Variants in RBMS3 observed in about 807,000 individuals in gnomAD.
The protein encoded by RBMS3 is RNA-binding motif, single-stranded-interacting protein 3.
Under a neutral mutation model 66.8 loss-of-function variants are expected in RBMS3, and 27 were observed. That is an observed-to-expected ratio of 0.40 (90% CI 0.30 to 0.56). RBMS3 has a LOEUF of 0.56. Ranked by LOEUF, RBMS3 falls within the 20% of genes least tolerant of loss-of-function variation. RBMS3 has a pLI of 0.40. For missense variants in RBMS3, 513 were observed against 549.5 expected, an observed-to-expected ratio of 0.93 and a Z score of 0.66; for synonymous variants, 188 against 183.0, an observed-to-expected ratio of 1.03 and a Z score of -0.22.
chr3:29,549,729 T>C (rs1195688307), intron 3 of RBMS3, among the ~76,000 whole-genome samples: 1 of 152,058 alleles, frequency 6.6e-6, no homozygotes, highest in Admixed American at 6.6e-5. Context: ...AAAAAATATT[T>C]TAAGCTAGCA....
intron 3 of RBMS3, among the ~76,000 whole-genome samples, chr3:29,564,286 G>A (rs2046662414): frequency 6.6e-6 from 1 of 151,954 alleles, no homozygotes; most frequent in African/African-American, 2.4e-5. Context: ...AGACCAGCCT[G>A]ACCAACATAG....
At chr3:29,617,223 A>T (rs1353296335) in intron 4 of RBMS3, among the ~76,000 whole-genome samples, 1 of 152,234 alleles carries the variant, frequency 6.6e-6, no homozygotes, top group Non-Finnish European at 1.5e-5. Flanking sequence ...TCAGGTTTTA[A>T]TACCAGCTCC....
At chr3:29,901,233 C>T (rs541502694) in intron 10 of RBMS3, among the ~76,000 whole-genome samples, 14 of 151,868 alleles carry the variant, frequency 9.2e-5, no homozygotes, top group Admixed American at 5.3e-4. Flanking sequence ...CAAAGCAATA[C>T]ATAGCATAGC....
chr3:29,852,286 T>C lies in RBMS3; in HGVS notation c.638-16572T>C, dbSNP rs1023589730. Among the ~76,000 whole-genome samples, 9 of 152,292 alleles carry C rather than the reference T, an allele frequency of 5.9e-5. No homozygotes were observed. The South Asian group carries it at 6.2e-4, about 11-fold the overall frequency. On this transcript the variant is annotated intron_variant, in intron 6 of 14. Transcript: ENST00000383767. ...TCATGATGAAGATGCTAAAAGCAAT[T>C]GCAACAAAAGCAAAAGTTGACAAAT...
chr3:29,767,796 T>C (rs79767352), intron 6 of RBMS3, among the ~76,000 whole-genome samples: 2,051 of 152,108 alleles, frequency 0.013, 50 homozygotes, highest in Admixed American at 0.038. Context: ...ATTTATCTTA[T>C]GTGATTCAAA....
intron 12 of RBMS3, among the ~76,000 whole-genome samples, chr3:29,955,237 G>T (rs549983013): frequency 3.3e-5 from 5 of 151,918 alleles, no homozygotes; most frequent in Non-Finnish European, 5.9e-5. Flanking sequence ...AAGTGAAGGG[G>T]TATGTGTCTT....
At position 29,389,880 on chromosome 3, in the gene RBMS3, T is replaced by C. The variant is rs989121279; in HGVS notation, c.76-44863T>C. Among the ~76,000 whole-genome samples, 4 of 152,088 alleles carry C rather than the reference T, an allele frequency of 2.6e-5. No homozygotes were observed. The East Asian group carries it at 5.8e-4, about 22-fold the overall frequency. On this transcript the variant is annotated intron_variant, in intron 1 of 14. Transcript: ENST00000383767. ...GTGCTTATTAGTGGTAGCTCCAGAA[T>C]TGCTTCATAGAGGTAGAAATAGGGA...
intron 1 of RBMS3, among the ~76,000 whole-genome samples, chr3:29,372,154 C>T (rs1409697109): frequency 6.6e-6 from 1 of 151,940 alleles, no homozygotes; most frequent in African/African-American, 2.4e-5. Flanking sequence ...AGTAAGAAAC[C>T]CTGTCTCTAC....
At chr3:29,329,631 A>T (rs2035534696) in intron 1 of RBMS3, among the ~76,000 whole-genome samples, 1 of 151,892 alleles carries the variant, frequency 6.6e-6, no homozygotes, top group African/African-American at 2.4e-5. Flanking sequence ...AACTAGACAG[A>T]TTTTCATGAT....
At chr3:29,386,034 G>A (rs1373025132) in intron 1 of RBMS3, among the ~76,000 whole-genome samples, 1 of 152,100 alleles carries the variant, frequency 6.6e-6, no homozygotes, top group East Asian at 1.9e-4. Flanking sequence ...AACTACCAAT[G>A]TCTGTATCCT....
At chr3:29,946,177 T>C (rs755840071) in intron 12 of RBMS3, among the ~76,000 whole-genome samples, 1 of 151,762 alleles carries the variant, frequency 6.6e-6, no homozygotes, top group Non-Finnish European at 1.5e-5. Flanking sequence ...CTTTCCAAAA[T>C]GCTTGTTAAT....
At chr3:29,517,902 T>C (rs2044707736) in intron 3 of RBMS3, among the ~76,000 whole-genome samples, 1 of 152,232 alleles carries the variant, frequency 6.6e-6, no homozygotes, top group Non-Finnish European at 1.5e-5. Context: ...CTGAATTTTC[T>C]ATTTTATTTC....
chr3:29,790,261 T>C (rs2056958598), intron 6 of RBMS3, among the ~76,000 whole-genome samples: 1 of 152,174 alleles, frequency 6.6e-6, no homozygotes, highest in African/African-American at 2.4e-5. Flanking sequence ...AAACATTATA[T>C]TAAAACAAGA....
Position 29,553,618 on chromosome 3 carries a change from G to A in RBMS3, c.308-33496G>A, listed in dbSNP as rs141915416. Among the ~76,000 whole-genome samples, 3 of 152,194 alleles carry A rather than the reference G, an allele frequency of 2.0e-5. No individual in the cohort carries two copies. The East Asian group carries it at 5.8e-4, about 29-fold the overall frequency. On this transcript the variant is annotated intron_variant, in intron 3 of 14. Transcript: ENST00000383767. ...CTGACATTCACCAAAACGATCAAGA[G>A]CTGGAAGAGTGAGTGTCCAGTCCCA...
At chr3:29,898,970 T>G (rs549465226) in intron 9 of RBMS3, among the ~76,000 whole-genome samples, 1 of 151,718 alleles carries the variant, frequency 6.6e-6, no homozygotes, top group Admixed American at 6.6e-5. Context: ...ATTCTCACCT[T>G]TCACCAGGTT....
At chr3:29,509,859 A>G (rs1215259952) in intron 3 of RBMS3, among the ~76,000 whole-genome samples, 1 of 152,242 alleles carries the variant, frequency 6.6e-6, no homozygotes, top group Non-Finnish European at 1.5e-5. Flanking sequence ...TATCGTATTC[A>G]TTTCTTGTTC....
intron 11 of RBMS3, among the ~76,000 whole-genome samples, chr3:29,938,863 C>T (rs968574230): frequency 1.3e-5 from 2 of 151,956 alleles, no homozygotes; most frequent in African/African-American, 4.8e-5. Flanking sequence ...AGAACTTTCT[C>T]ATTTTACAAA....
intron 1 of RBMS3, among the ~76,000 whole-genome samples, chr3:29,424,151 A>G (rs2040853195): frequency 6.6e-6 from 1 of 152,238 alleles, no homozygotes; most frequent in Non-Finnish European, 1.5e-5. Flanking sequence ...TGGAAATGAA[A>G]TAGCTCTAAA....
intron 4 of RBMS3, among the ~76,000 whole-genome samples, chr3:29,643,230 A>G (rs938864617): frequency 6.6e-6 from 1 of 152,074 alleles, no homozygotes; most frequent in African/African-American, 2.4e-5. Context: ...GAGCGCTACC[A>G]ATCTAATTAT....
Sources: allele counts gnomAD v4.1 joint callset (sites outside exome capture counted in the v4.1 genomes callset), GRCh38; gene constraint gnomAD v4.1.1; transcripts MANE v1.5; gene names NCBI Gene and HGNC (gene_info 2026-07-23, HGNC 2026-07-21).